ABHD17C: variants seen among roughly 807,000 people sequenced by gnomAD.
ABHD17C encodes abhydrolase domain containing 17C, depalmitoylase, also known as alpha/beta hydrolase domain-containing protein 17C.
Under a neutral mutation model 27.9 loss-of-function variants are expected in ABHD17C, and 11 were observed. The ratio of observed to expected loss-of-function variants is 0.39; its 90% CI spans 0.25 to 0.65. ABHD17C has a LOEUF of 0.65. Ranked by LOEUF, ABHD17C falls within the 30% of genes least tolerant of loss-of-function variation. ABHD17C has a pLI of 0.45. For missense variants in ABHD17C, 280 were observed against 470.2 expected, an observed-to-expected ratio of 0.60 and a Z score of 3.74; for synonymous variants, 233 against 209.1, an observed-to-expected ratio of 1.11 and a Z score of -0.98.
intron 1 of ABHD17C, among the ~76,000 whole-genome samples, chr15:80,708,892 AT>A (rs1894687650): frequency 6.6e-6 from 1 of 152,192 alleles, no homozygotes. Context: ...AGATGCAATC[AT>A]TTTAAACCCG....
At chr15:80,706,506 CATGTTTTA>C (rs1165448969) in intron 1 of ABHD17C, among the ~76,000 whole-genome samples, 1 of 152,204 alleles carries the variant, frequency 6.6e-6, no homozygotes, top group Non-Finnish European at 1.5e-5. Flanking sequence ...CTTCACTTTA[CATGTTTTA>C]ATGGTTACAG....
intron 1 of ABHD17C, among the ~76,000 whole-genome samples, chr15:80,748,340 A>G (rs952356527): frequency 1.3e-5 from 2 of 152,192 alleles, no homozygotes; most frequent in Non-Finnish European, 1.5e-5. Flanking sequence ...ACGGGCTTCA[A>G]CTTTTCCAGA....
chr15:80,753,605 G>A (rs977378528), intron 2 of ABHD17C, among the ~76,000 whole-genome samples: 9 of 152,122 alleles, frequency 5.9e-5, no homozygotes, highest in South Asian at 4.2e-4. Flanking sequence ...GCAGTGGCAC[G>A]ATCTCAGCTC....
At chr15:80,747,774 A>C (rs553240175) in intron 1 of ABHD17C, among the ~76,000 whole-genome samples, 26 of 152,292 alleles carry the variant, frequency 1.7e-4, no homozygotes, top group African/African-American at 5.8e-4. Context: ...CACTTTAGAA[A>C]TGGAGGACGG....
At position 80,733,431 on chromosome 15, in the gene ABHD17C, A is replaced by G. The variant is rs529934375; in HGVS notation, c.591-16082A>G. On this transcript the variant is annotated intron_variant, in intron 1 of 2. Coordinates refer to ENST00000258884, the MANE Select transcript of ABHD17C (RefSeq NM_021214.2). ...GACATCCTGGGGAGGACTGGGATTGACCAGGCTTGGGTCCTAGGCTTATCC... is the reference window on the plus strand; with the variant it reads ...GACATCCTGGGGAGGACTGGGATTGGCCAGGCTTGGGTCCTAGGCTTATCC... Among the ~76,000 whole-genome samples, 5 of 152,230 alleles carry G rather than the reference A, an allele frequency of 3.3e-5. No individual in the cohort carries two copies. The South Asian group carries it at 1.0e-3, about 32-fold the overall frequency.
intron 1 of ABHD17C, among the ~76,000 whole-genome samples, chr15:80,698,209 C>T (rs989251728): frequency 1.3e-5 from 2 of 151,808 alleles, no homozygotes; most frequent in Admixed American, 6.6e-5. Context: ...GGACTACAGG[C>T]GCCCGCCACC....
chr15:80,713,085 C>CA (rs545736484), intron 1 of ABHD17C, among the ~76,000 whole-genome samples: 1,716 of 144,114 alleles, frequency 0.012, 31 homozygotes, highest in African/African-American at 0.041. Flanking sequence ...CTTTGTAAGT[C>CA]TTTTTTTTTT....
intron 2 of ABHD17C, among the ~76,000 whole-genome samples, chr15:80,752,731 T>A (rs554521186): frequency 1.3e-5 from 2 of 152,318 alleles, no homozygotes; most frequent in African/African-American, 4.8e-5. Context: ...AAGAGGCTCT[T>A]TGGCAGGACA....
intron 2 of ABHD17C, among the ~76,000 whole-genome samples, chr15:80,750,043 T>C (rs1197475356): frequency 6.6e-6 from 1 of 152,238 alleles, no homozygotes; most frequent in Non-Finnish European, 1.5e-5. Flanking sequence ...ACACTTCTTG[T>C]TAAATCTTGA....
chr15:80,713,900 CCACACACA>C (rs58311304), intron 1 of ABHD17C, among the ~76,000 whole-genome samples: 247 of 141,134 alleles, frequency 1.8e-3, no homozygotes, highest in African/African-American at 4.8e-3. Context: ...CATATACAGA[CCACACACA>C]CACACACACA....
rs148060061 is a variant in ABHD17C, at chr15:80,727,743, T to C, written c.591-21770T>C. 3.3e-3 allele frequency among the ~76,000 whole-genome samples: 509 copies of C among 152,246 alleles called. 1 individual carries two copies. The highest frequency in any genetic ancestry group is 6.1e-3 in the Non-Finnish European group (417 of 68,014). On this transcript the variant is annotated intron_variant, in intron 1 of 2. Transcript: ENST00000258884. ...GTGACATGTGTGCTGTTCTTTGGCCTGATTGCTGCTGCACCATGAATTCTG... is the reference window on the plus strand; with the variant it reads ...GTGACATGTGTGCTGTTCTTTGGCCCGATTGCTGCTGCACCATGAATTCTG...
chr15:80,739,968 G>A (rs971624094), intron 1 of ABHD17C, among the ~76,000 whole-genome samples: 1 of 152,114 alleles, frequency 6.6e-6, no homozygotes, highest in Non-Finnish European at 1.5e-5. Flanking sequence ...CTGAACTTGG[G>A]GCTGCACTAG....
intron 2 of ABHD17C, among the ~76,000 whole-genome samples, chr15:80,753,507 A>G (rs7182156): frequency 1 from 151,928 of 152,348 alleles, 75,756 homozygotes; most frequent in Middle Eastern, 1. Flanking sequence ...GGAGTATGTC[A>G]GGGCACTGTA....
chr15:80,752,144 A>C (rs1186379775), intron 2 of ABHD17C, among the ~76,000 whole-genome samples: 1 of 152,236 alleles, frequency 6.6e-6, no homozygotes, highest in Non-Finnish European at 1.5e-5. Context: ...TGCAGCGTGG[A>C]GCATAGTCCC....
chr15:80,740,441 G>A (rs1330284388), intron 1 of ABHD17C, among the ~76,000 whole-genome samples: 3 of 152,088 alleles, frequency 2.0e-5, no homozygotes, highest in Admixed American at 2.0e-4. Flanking sequence ...CTGCCTTCCT[G>A]CCTTCTCCCT....
chr15:80,734,993 G>T (rs1213001879), intron 1 of ABHD17C, among the ~76,000 whole-genome samples: 3 of 152,076 alleles, frequency 2.0e-5, no homozygotes, highest in Non-Finnish European at 4.4e-5. Flanking sequence ...TCATCATCTC[G>T]CATGGGACCT....
intron 1 of ABHD17C, among the ~76,000 whole-genome samples, chr15:80,703,724 C>T (rs1201166512): frequency 2.0e-4 from 31 of 152,086 alleles, no homozygotes. Context: ...ATATTAAGAT[C>T]AGCCCCAATT....
chr15:80,730,209 C>T (rs1895039683), intron 1 of ABHD17C, among the ~76,000 whole-genome samples: 1 of 152,212 alleles, frequency 6.6e-6, no homozygotes, highest in Non-Finnish European at 1.5e-5. Flanking sequence ...GAATAAATTT[C>T]ATATGCTCAG....
intron 1 of ABHD17C, among the ~76,000 whole-genome samples, chr15:80,716,897 C>G (rs961902726): frequency 2.0e-5 from 3 of 152,332 alleles, no homozygotes; most frequent in Admixed American, 6.5e-5. Flanking sequence ...AGCAGAATTT[C>G]TGAGACAGGC....
Sources: gnomAD v4.1 joint callset for allele counts (sites outside exome capture counted in the v4.1 genomes callset) on GRCh38, gnomAD v4.1.1 for gene constraint, MANE v1.5 for transcripts, NCBI Gene and HGNC (gene_info 2026-07-23, HGNC 2026-07-21) for gene names.